Variants in EXOC6B observed in about 807,000 individuals in gnomAD.
The protein encoded by EXOC6B is SEC15 homolog B.
Under a neutral mutation model 113.5 loss-of-function variants are expected in EXOC6B, and 54 were observed. The observed-to-expected ratio is 0.48, with a 90% CI of 0.38 to 0.60. EXOC6B has a LOEUF of 0.60. Among genes scored for constraint, EXOC6B ranks in the 20% least tolerant of loss-of-function variants. The probability of loss-of-function intolerance (pLI) is 0.00; values close to 1 mark genes in which losing one functional copy is unlikely to be tolerated. For synonymous variants in EXOC6B, 357 were observed against 339.0 expected (o/e 1.05, Z -0.58); for missense variants, 797 against 977.5 (o/e 0.82, Z 2.46).
At chr2:72,555,412 C>T (rs897465051) in intron 8 of EXOC6B, among the ~76,000 whole-genome samples, 1 of 152,218 alleles carries the variant, frequency 6.6e-6, no homozygotes, top group African/African-American at 2.4e-5. Flanking sequence ...TTCTCTCCAG[C>T]ATCTGTTGTT....
At chr2:72,803,091 C>T (rs1290889622) in intron 1 of EXOC6B, among the ~76,000 whole-genome samples, 1 of 152,138 alleles carries the variant, frequency 6.6e-6, no homozygotes, top group African/African-American at 2.4e-5. Context: ...GTAGATCCTG[C>T]TTGCTGATAA....
At chr2:72,188,507 C>T (rs1306382869) in intron 20 of EXOC6B, among the ~76,000 whole-genome samples, 1 of 152,084 alleles carries the variant, frequency 6.6e-6, no homozygotes, top group African/African-American at 2.4e-5. Flanking sequence ...AGAGAGTGAA[C>T]TCTGAGGGTA....
At chr2:72,481,021 T>A (rs532315780) in intron 16 of EXOC6B, among the ~76,000 whole-genome samples, 16 of 152,312 alleles carry the variant, frequency 1.1e-4, no homozygotes, top group Middle Eastern at 3.4e-3. Flanking sequence ...TGGAGGTAAT[T>A]GAATCATGGG....
chr2:72,643,507 G>T (rs1469382775), intron 6 of EXOC6B, among the ~76,000 whole-genome samples: 2 of 146,904 alleles, frequency 1.4e-5, no homozygotes, highest in Non-Finnish European at 3.0e-5. Flanking sequence ...GTAAACTATC[G>T]CAAGAACAAA....
intron 20 of EXOC6B, among the ~76,000 whole-genome samples, chr2:72,308,050 A>C (rs192407187): frequency 6.6e-6 from 1 of 152,344 alleles, no homozygotes; most frequent in East Asian, 1.9e-4. Flanking sequence ...GAGTTAAAGC[A>C]TTTGACTCAT....
At chr2:72,595,402 TTAAAA>T (rs1670019135) in intron 6 of EXOC6B, among the ~76,000 whole-genome samples, 1 of 149,408 alleles carries the variant, frequency 6.7e-6, no homozygotes, top group Non-Finnish European at 1.5e-5. Flanking sequence ...AATAATTGTA[TTAAAA>T]TAAAAAATTT....
rs145188856 is a variant in EXOC6B, at chr2:72,236,066, A to C, written c.2197-51879T>G. Reference sequence around the variant, plus strand: ...AAGGATTCCTACTCACATTTTACAGAAACAAAAAGTGATGTCTAGAAGAGT... The same window carrying C: ...AAGGATTCCTACTCACATTTTACAGCAACAAAAAGTGATGTCTAGAAGAGT... On this transcript the variant is annotated intron_variant, in intron 20 of 21. Coordinates refer to ENST00000272427, the MANE Select transcript of EXOC6B (RefSeq NM_015189.3). Among the ~76,000 whole-genome samples, 757 of 152,284 alleles carry C rather than the reference A, an allele frequency of 5.0e-3. 7 individuals carry two copies. Among genetic ancestry groups the C allele is most frequent in the African/African-American group, 0.017 (725 of 41,558 alleles).
At chr2:72,799,762 T>A (rs982832956) in intron 1 of EXOC6B, among the ~76,000 whole-genome samples, 12 of 152,266 alleles carry the variant, frequency 7.9e-5, no homozygotes, top group African/African-American at 2.9e-4. Context: ...AATTCAAAGT[T>A]TCTCACTATT....
chr2:72,375,289 G>A (rs1463580661), intron 19 of EXOC6B, among the ~76,000 whole-genome samples: 1 of 152,080 alleles, frequency 6.6e-6, no homozygotes, highest in African/African-American at 2.4e-5. Context: ...CAGGAGATTT[G>A]AATAACACTG....
chr2:72,232,103 A>T (rs1469883978), intron 20 of EXOC6B, among the ~76,000 whole-genome samples: 1 of 152,064 alleles, frequency 6.6e-6, no homozygotes. Context: ...CCTCTTGAGT[A>T]GCTGGGACTA....
intron 5 of EXOC6B, among the ~76,000 whole-genome samples, chr2:72,719,496 C>T (rs1679858363): frequency 6.6e-6 from 1 of 152,168 alleles, no homozygotes; most frequent in African/African-American, 2.4e-5. Flanking sequence ...TCTAAGCAAT[C>T]CACTCATCCC....
At chr2:72,432,449 C>T (rs567081017) in intron 18 of EXOC6B, among the ~76,000 whole-genome samples, 1 of 152,246 alleles carries the variant, frequency 6.6e-6, no homozygotes, top group East Asian at 1.9e-4. Flanking sequence ...CCAGTAATGG[C>T]ATTGCTGTGT....
At chr2:72,602,757 T>G (rs566043224) in intron 6 of EXOC6B, among the ~76,000 whole-genome samples, 2 of 152,320 alleles carry the variant, frequency 1.3e-5, no homozygotes, top group African/African-American at 4.8e-5. Context: ...TAAAGAAAGA[T>G]GAGCCCCAAA....
chr2:72,496,818 C>G (rs189300636), intron 13 of EXOC6B, among the ~76,000 whole-genome samples: 1 of 151,964 alleles, frequency 6.6e-6, no homozygotes, highest in East Asian at 1.9e-4. Flanking sequence ...ATAAACATAT[C>G]TCTTAGGAAC....
At chr2:72,692,430 C>A (rs879759107) in intron 6 of EXOC6B, among the ~76,000 whole-genome samples, 15 of 151,384 alleles carry the variant, frequency 9.9e-5, no homozygotes, top group African/African-American at 9.7e-5. Context: ...CGGCTCACTG[C>A]AAGCTCTGCC....
At position 72,452,511 on chromosome 2, in the gene EXOC6B, G is replaced by GA. The variant is rs35390970; in HGVS notation, c.1980+12648dup. Among the ~76,000 whole-genome samples, 897 of 152,216 alleles carry GA rather than the reference G, an allele frequency of 5.9e-3. 16 individuals carry two copies. The highest frequency in any genetic ancestry group is 0.021 in the African/African-American group (874 of 41,538). ...TCAAACCTTGGGGTATGAATTGTGG[G>GA]AAAAAGGGTGAACAGTCATAAAAGA... On this transcript the variant is annotated intron_variant, in intron 18 of 21. Transcript: ENST00000272427.
Position 72,684,521 on chromosome 2 carries a change from G to A in EXOC6B, c.669+33582C>T, listed in dbSNP as rs569552667. On this transcript the variant is annotated intron_variant, in intron 6 of 21. Coordinates refer to ENST00000272427, the MANE Select transcript of EXOC6B (RefSeq NM_015189.3). ...ATATCCACAAAAAAACCTTGTATAA[G>A]GATGTTCATAATAGCTTTATTCATA... Among the ~76,000 whole-genome samples, 423 of 152,220 alleles carry A rather than the reference G, an allele frequency of 2.8e-3. 1 individual carries two copies. The highest frequency in any genetic ancestry group is 9.7e-3 in the African/African-American group (404 of 41,542).
At chr2:72,464,745 CAT>C (rs1180615211) in intron 18 of EXOC6B, 1 of 171,766 alleles carries the variant, frequency 5.8e-6, no homozygotes, top group East Asian at 1.7e-4. Flanking sequence ...ACAGAGAAAA[CAT>C]AGACAAATTA....
intron 18 of EXOC6B, among the ~76,000 whole-genome samples, chr2:72,382,383 T>C (rs1324039840): frequency 1.3e-5 from 2 of 152,204 alleles, no homozygotes; most frequent in African/African-American, 4.8e-5. Context: ...TTCATTCCAT[T>C]GGTCTATGTG....
Sources: gnomAD v4.1 joint callset for allele counts (sites outside exome capture counted in the v4.1 genomes callset) on GRCh38, gnomAD v4.1.1 for gene constraint, MANE v1.5 for transcripts, NCBI Gene and HGNC (gene_info 2026-07-23, HGNC 2026-07-21) for gene names.